The following HS6ST3 variants were observed in gnomAD, a reference collection of about 807,000 sequenced individuals.
HS6ST3 encodes the protein heparan sulfate 6-O-sulfotransferase 3, also known as heparan-sulfate 6-O-sulfotransferase 3.
In HS6ST3, 12 loss-of-function variants were observed where a neutral mutation model predicts 36.7. The ratio of observed to expected loss-of-function variants is 0.33; its 90% CI spans 0.21 to 0.53. The LOEUF is 0.53. Among genes scored for constraint, HS6ST3 ranks in the 20% least tolerant of loss-of-function variants. The pLI is 0.95. For synonymous variants in HS6ST3, 240 were observed against 257.5 expected (o/e 0.93, Z 0.65); for missense variants, 584 against 640.9 (o/e 0.91, Z 0.96).
chr13:96,125,577 C>T (rs2053946475), intron 1 of HS6ST3, among the ~76,000 whole-genome samples: 2 of 152,146 alleles, frequency 1.3e-5, no homozygotes, highest in South Asian at 4.2e-4. Context: ...TCCTACATAG[C>T]ATAAGGCACA....
intron 1 of HS6ST3, among the ~76,000 whole-genome samples, chr13:96,453,181 A>T (rs9584369): frequency 1.1e-3 from 152 of 135,340 alleles, no homozygotes; most frequent in South Asian, 4.8e-3. Context: ...TGCTCTTTTT[A>T]AAAAAAAAAA....
At chr13:96,575,316 C>T (rs1277941342) in intron 1 of HS6ST3, among the ~76,000 whole-genome samples, 1 of 152,182 alleles carries the variant, frequency 6.6e-6, no homozygotes, top group Non-Finnish European at 1.5e-5. Flanking sequence ...AAAGGAGAGG[C>T]CTCCTCCCTA....
At position 96,838,175 on chromosome 13, in the gene HS6ST3, T is replaced by C. The variant is rs547499094; in HGVS notation, c.*4977T>C. The C allele has an allele frequency of 1.3e-4, 20 of 152,262 alleles. No homozygotes were observed. Among genetic ancestry groups the C allele is most frequent in the African/African-American group, 4.6e-4 (19 of 41,532 alleles). 9.4% of individuals were successfully genotyped at this position (152,262 alleles called of 1,614,324 possible). On this transcript the variant is annotated 3_prime_UTR_variant, in exon 2 of 2. Coordinates refer to ENST00000376705, the MANE Select transcript of HS6ST3 (RefSeq NM_153456.4). The stretch of plus-strand genomic sequence containing the variant: ...GGCAGATCTTTCCAAGGTGGAAAGG[T>C]AATGAATTAAATATATGACATGTAA...
intron 1 of HS6ST3, among the ~76,000 whole-genome samples, chr13:96,650,438 C>T (rs987305247): frequency 6.6e-6 from 1 of 151,940 alleles, no homozygotes; most frequent in African/African-American, 2.4e-5. Context: ...CTTCTACATT[C>T]TTTCTTGGTG....
intron 1 of HS6ST3, among the ~76,000 whole-genome samples, chr13:96,711,226 C>T (rs556553647): frequency 6.6e-6 from 1 of 152,306 alleles, no homozygotes; most frequent in East Asian, 1.9e-4. Flanking sequence ...AGCCTATAAC[C>T]TCTGACCTGC....
intron 1 of HS6ST3, among the ~76,000 whole-genome samples, chr13:96,603,203 G>A (rs970024856): frequency 1.3e-5 from 2 of 152,080 alleles, no homozygotes; most frequent in African/African-American, 4.8e-5. Flanking sequence ...ATGACCAGAC[G>A]CTCAACAGCC....
chr13:96,212,423 A>T (rs2054403444), intron 1 of HS6ST3, among the ~76,000 whole-genome samples: 1 of 152,246 alleles, frequency 6.6e-6, no homozygotes, highest in African/African-American at 2.4e-5. Flanking sequence ...TTCCTAAATA[A>T]TTAGAGAAAA....
chr13:96,377,343 A>G (rs2055319777), intron 1 of HS6ST3, among the ~76,000 whole-genome samples: 1 of 151,918 alleles, frequency 6.6e-6, no homozygotes, highest in Admixed American at 6.6e-5. Context: ...ACAGAGAAAG[A>G]CCCTGTCTCA....
At chr13:96,623,672 A>G (rs560156361) in intron 1 of HS6ST3, among the ~76,000 whole-genome samples, 4 of 152,248 alleles carry the variant, frequency 2.6e-5, no homozygotes, top group African/African-American at 9.6e-5. Context: ...TTGGGAAACT[A>G]AATGATTGGG....
At chr13:96,511,457 G>A (rs1057395646) in intron 1 of HS6ST3, among the ~76,000 whole-genome samples, 8 of 151,896 alleles carry the variant, frequency 5.3e-5, no homozygotes, top group Non-Finnish European at 8.8e-5. Flanking sequence ...TCAAAGTAAT[G>A]GATCAATGTT....
intron 1 of HS6ST3, among the ~76,000 whole-genome samples, chr13:96,800,063 G>A (rs143691741): frequency 0.015 from 2,197 of 143,224 alleles, 56 homozygotes; most frequent in African/African-American, 0.053. Context: ...AATTACAGCC[G>A]CCTAGTAGAG....
intron 1 of HS6ST3, among the ~76,000 whole-genome samples, chr13:96,706,753 A>G (rs1248735962): frequency 6.6e-6 from 1 of 152,040 alleles, no homozygotes; most frequent in Non-Finnish European, 1.5e-5. Flanking sequence ...ATATTTAAAG[A>G]CAGCTACAGT....
At chr13:96,593,894 C>T (rs918007120) in intron 1 of HS6ST3, among the ~76,000 whole-genome samples, 2 of 151,738 alleles carry the variant, frequency 1.3e-5, no homozygotes, top group Admixed American at 6.6e-5. Flanking sequence ...CATCCTTTCA[C>T]CTTTAGTCTA....
chr13:96,463,118 G>C (rs1178538934), intron 1 of HS6ST3, among the ~76,000 whole-genome samples: 1 of 152,114 alleles, frequency 6.6e-6, no homozygotes, highest in Non-Finnish European at 1.5e-5. Flanking sequence ...TGTGAATTTT[G>C]TAACTAGACG....
intron 1 of HS6ST3, among the ~76,000 whole-genome samples, chr13:96,603,578 A>T (rs970123304): frequency 9.9e-5 from 15 of 152,204 alleles, no homozygotes; most frequent in Admixed American, 7.9e-4. Context: ...GTATATACCT[A>T]AAAGTGGAAT....
At chr13:96,178,820 C>T (rs1175315617) in intron 1 of HS6ST3, among the ~76,000 whole-genome samples, 2 of 152,082 alleles carry the variant, frequency 1.3e-5, no homozygotes, top group African/African-American at 4.8e-5. Flanking sequence ...GACACCACTG[C>T]CCCATTGAGC....
rs59762618 is a variant in HS6ST3, at chr13:96,491,821, A to T, written c.708-340669A>T. Among the ~76,000 whole-genome samples, 1,014 of 152,214 alleles carry T rather than the reference A, an allele frequency of 6.7e-3. 12 individuals carry two copies. The highest frequency in any genetic ancestry group is 0.024 in the African/African-American group (978 of 41,520). On this transcript the variant is annotated intron_variant, in intron 1 of 1. Coordinates refer to ENST00000376705, the MANE Select transcript of HS6ST3 (RefSeq NM_153456.4). Reference sequence around the variant, plus strand: ...TTTGGTCTCATTTTCAGATCTCTCAATTCCAGCCACTTTTGCTGATAGATG... The same window carrying T: ...TTTGGTCTCATTTTCAGATCTCTCATTTCCAGCCACTTTTGCTGATAGATG...
intron 1 of HS6ST3, among the ~76,000 whole-genome samples, chr13:96,724,664 T>C (rs566225705): frequency 8.2e-4 from 125 of 152,320 alleles, no homozygotes; most frequent in Middle Eastern, 6.8e-3. Context: ...CTTCTTTCCC[T>C]CAGCATAGTT....
chr13:96,308,881 G>C lies in HS6ST3; in HGVS notation c.707+217312G>C, dbSNP rs143455682. Among the ~76,000 whole-genome samples the C allele has an allele frequency of 7.2e-4, 109 of 152,198 alleles. 2 individuals carry two copies. The highest frequency in any genetic ancestry group is 2.5e-3 in the African/African-American group (105 of 41,562). On this transcript the variant is annotated intron_variant, in intron 1 of 1. Transcript: ENST00000376705. Reference sequence around the variant, plus strand: ...AAATTGCATACACATGTTGACTGAAGAGAGTTTTACCGATAGGAAATCAAG... The same window carrying C: ...AAATTGCATACACATGTTGACTGAACAGAGTTTTACCGATAGGAAATCAAG...
Sources: allele counts gnomAD v4.1 joint callset (sites outside exome capture counted in the v4.1 genomes callset), GRCh38; gene constraint gnomAD v4.1.1; transcripts MANE v1.5; gene names NCBI Gene and HGNC (gene_info 2026-07-23, HGNC 2026-07-21).